TBC1D23: variants seen among roughly 807,000 people sequenced by gnomAD.
TBC1D23 encodes the protein TBC1 domain family member 23, also known as HCV non-structural protein 4A-transactivated protein 1.
A neutral mutation model predicts 91.4 loss-of-function variants in TBC1D23; 55 were observed. The observed-to-expected ratio is 0.60, with a 90% CI of 0.48 to 0.75. TBC1D23 has a LOEUF of 0.75. TBC1D23 is among the 30% of genes least tolerant of loss of function. The probability of loss-of-function intolerance (pLI) is 0.00; values close to 1 mark genes in which losing one functional copy is unlikely to be tolerated. For synonymous variants in TBC1D23, 289 were observed against 281.0 expected (o/e 1.03, Z -0.28); for missense variants, 725 against 836.1 (o/e 0.87, Z 1.64).
intron 1 of TBC1D23, among the ~76,000 whole-genome samples, chr3:100,267,746 G>A (rs563012735): frequency 6.6e-6 from 1 of 152,306 alleles, no homozygotes; most frequent in South Asian, 2.1e-4. Flanking sequence ...TCGGAGTTGG[G>A]ATTCTTGGAT....
intron 10 of TBC1D23, 130 bp from the exon 11 acceptor site, chr3:100,301,937 G>A (rs191637836): frequency 4.8e-6 from 3 of 627,216 alleles, no homozygotes; most frequent in East Asian, 5.9e-5. Flanking sequence ...ATTTATAAGA[G>A]CCTTTTTTTC....
At position 100,285,541 on chromosome 3, in the gene TBC1D23, G is replaced by A. The variant is rs983675020; in HGVS notation, c.476+1730G>A. ...CTATTATGAGTATGAAGCTGTGAAC[G>A]TTCATATACAAGTTTTTGTGTAGAT... On this transcript the variant is annotated intron_variant, in intron 4 of 18. Transcript: ENST00000394144. Among the ~76,000 whole-genome samples the A allele has an allele frequency of 5.9e-5, 9 of 152,262 alleles. No homozygotes were observed. In the East Asian group the frequency reaches 1.2e-3, roughly 20 times the overall value.
At chr3:100,310,328 C>A in intron 13 of TBC1D23, 75 bp from the exon 14 acceptor site, 1 of 1,312,570 alleles carries the variant, frequency 7.6e-7, no homozygotes, top group Non-Finnish European at 1.1e-6. Context: ...CAGTCTATAA[C>A]ATGTAGATAA....
intron 3 of TBC1D23, among the ~76,000 whole-genome samples, chr3:100,282,703 A>G (rs939199713): frequency 6.6e-6 from 1 of 152,232 alleles, no homozygotes; most frequent in Non-Finnish European, 1.5e-5. Flanking sequence ...GCACAGCAGA[A>G]ACATTATTGC....
At chr3:100,271,694 A>G (rs1322572179) in intron 1 of TBC1D23, among the ~76,000 whole-genome samples, 1 of 152,214 alleles carries the variant, frequency 6.6e-6, no homozygotes, top group African/African-American at 2.4e-5. Flanking sequence ...CACCTGAGGT[A>G]AAGTGGCTGG....
chr3:100,284,597 A>G (rs1195615961), intron 4 of TBC1D23, among the ~76,000 whole-genome samples: 2 of 152,118 alleles, frequency 1.3e-5, no homozygotes, highest in Non-Finnish European at 2.9e-5. Flanking sequence ...CTTGGAGGTC[A>G]GGGATGGCTT....
intron 1 of TBC1D23, among the ~76,000 whole-genome samples, chr3:100,264,482 T>G (rs1211357166): frequency 6.6e-6 from 1 of 152,238 alleles, no homozygotes; most frequent in Non-Finnish European, 1.5e-5. Flanking sequence ...GAACTAGGTC[T>G]CTGTCCTCAG....
chr3:100,301,435 G>C (rs533010954), intron 10 of TBC1D23, among the ~76,000 whole-genome samples: 5 of 152,274 alleles, frequency 3.3e-5, no homozygotes, highest in African/African-American at 9.6e-5. Flanking sequence ...TTTTTTGTGA[G>C]TGTGCTGTTT....
intron 13 of TBC1D23, among the ~76,000 whole-genome samples, chr3:100,310,113 T>C (rs1287047177): frequency 1.3e-5 from 2 of 152,210 alleles, no homozygotes; most frequent in Non-Finnish European, 2.9e-5. Context: ...TGCCTTGCCT[T>C]GTGTGTCCTT....
At chr3:100,297,695 GTTT>G in intron 8 of TBC1D23, among the ~76,000 whole-genome samples, 1 of 150,120 alleles carries the variant, frequency 6.7e-6, no homozygotes, top group Non-Finnish European at 1.5e-5. Flanking sequence ...TTTAGAATGT[GTTT>G]TTTTTTTCTT....
At chr3:100,321,027 T>C (rs1017802589) in intron 18 of TBC1D23, 56 bp downstream of exon 18, 3 of 1,285,558 alleles carry the variant, frequency 2.3e-6, no homozygotes, top group Non-Finnish European at 1.1e-6. Flanking sequence ...TGAATTACTG[T>C]AGTTCACTAT....
intron 1 of TBC1D23, among the ~76,000 whole-genome samples, chr3:100,274,474 T>C (rs1182677210): frequency 1.3e-5 from 2 of 152,132 alleles, no homozygotes; most frequent in Admixed American, 1.3e-4. Flanking sequence ...CAGTGTACAT[T>C]AGTATTGAGT....
At chr3:100,293,353 T>C (rs187261750) in intron 5 of TBC1D23, among the ~76,000 whole-genome samples, 1 of 152,092 alleles carries the variant, frequency 6.6e-6, no homozygotes, top group Non-Finnish European at 1.5e-5. Flanking sequence ...CAGGATGGTC[T>C]CGATCTCCTG....
chr3:100,286,998 A>G (rs2067749212), intron 4 of TBC1D23, among the ~76,000 whole-genome samples: 1 of 151,688 alleles, frequency 6.6e-6, no homozygotes, highest in South Asian at 2.1e-4. Context: ...TATTTTTAGT[A>G]GAGATGGGGT....
chr3:100,269,840 G>A (rs2067586809), intron 1 of TBC1D23, among the ~76,000 whole-genome samples: 1 of 152,172 alleles, frequency 6.6e-6, no homozygotes, highest in Admixed American at 6.6e-5. Flanking sequence ...ATTAAGCCAT[G>A]AAACCACAAT....
intron 15 of TBC1D23, among the ~76,000 whole-genome samples, chr3:100,315,336 A>AT (rs1239572690): frequency 2.0e-5 from 3 of 151,678 alleles, no homozygotes; most frequent in African/African-American, 7.3e-5. Flanking sequence ...CCAATTTTGT[A>AT]TTTTTAGTAG....
chr3:100,276,496 A>G (rs1370484363), intron 1 of TBC1D23, among the ~76,000 whole-genome samples: 2 of 152,192 alleles, frequency 1.3e-5, no homozygotes, highest in Non-Finnish European at 2.9e-5. Context: ...TAGTGCTTGA[A>G]AATTCATGCT....
At chr3:100,261,204 C>A in intron 1 of TBC1D23, 133 bp downstream of exon 1, 1 of 821,126 alleles carries the variant, frequency 1.2e-6, no homozygotes, top group South Asian at 1.6e-5. Flanking sequence ...GGTGCCCTGC[C>A]CTACCCCTCT....
At chr3:100,285,214 A>T (rs1227711064) in intron 4 of TBC1D23, among the ~76,000 whole-genome samples, 3 of 152,202 alleles carry the variant, frequency 2.0e-5, no homozygotes, top group Non-Finnish European at 1.5e-5. Flanking sequence ...GTACAGCCAT[A>T]ACCACAACCA....
Sources: gnomAD v4.1 joint callset for allele counts (sites outside exome capture counted in the v4.1 genomes callset) on GRCh38, gnomAD v4.1.1 for gene constraint, MANE v1.5 for transcripts, NCBI Gene and HGNC (gene_info 2026-07-23, HGNC 2026-07-21) for gene names.